Variants in ALKBH1 observed in about 807,000 individuals in gnomAD.
ALKBH1 encodes the protein nucleic acid dioxygenase ALKBH1.
A neutral mutation model predicts 36.6 loss-of-function variants in ALKBH1; 31 were observed. The ratio of observed to expected loss-of-function variants is 0.85; its 90% confidence interval spans 0.64 to 1.14. The LOEUF is 1.14. Among genes scored for constraint, ALKBH1 ranks in the 50% most tolerant of loss-of-function variants. The probability of loss-of-function intolerance (pLI) is 0.00; values close to 1 mark genes in which losing one functional copy is unlikely to be tolerated. For missense variants in ALKBH1, 490 were observed against 497.3 expected (o/e 0.99, Z 0.14); for synonymous variants, 183 against 186.6 (o/e 0.98, Z 0.16).
chr14:77,700,744 C>T (rs2080354934), intron 2 of ALKBH1, among the ~76,000 whole-genome samples: 1 of 152,152 alleles, frequency 6.6e-6, no homozygotes, highest in African/African-American at 2.4e-5. Context: ...TTTAACATCT[C>T]TTTAGGCAGT....
intron 3 of ALKBH1, among the ~76,000 whole-genome samples, chr14:77,685,721 T>C (rs1566813736): frequency 6.6e-6 from 1 of 151,568 alleles, no homozygotes; most frequent in Non-Finnish European, 1.5e-5. Context: ...TAGACCAAGA[T>C]TGTGCCACTG....
intron 1 of ALKBH1, among the ~76,000 whole-genome samples, chr14:77,706,912 C>T (rs1203573134): frequency 6.6e-6 from 1 of 152,116 alleles, no homozygotes; most frequent in Admixed American, 6.6e-5. Flanking sequence ...GAAAGAATGC[C>T]TCATCTAGAC....
chr14:77,703,546 C>T (rs186844744), intron 2 of ALKBH1, among the ~76,000 whole-genome samples: 6 of 150,512 alleles, frequency 4.0e-5, no homozygotes, highest in African/African-American at 9.8e-5. Context: ...CCGCCCGCCT[C>T]GGCCTCCCAA....
intron 5 of ALKBH1, among the ~76,000 whole-genome samples, 158 bp downstream of exon 5, chr14:77,675,498 G>C (rs2080200192): frequency 6.6e-6 from 1 of 151,962 alleles, no homozygotes; most frequent in African/African-American, 2.4e-5. Flanking sequence ...CTTAAACAGA[G>C]ATACTAACTA....
intron 4 of ALKBH1, among the ~76,000 whole-genome samples, chr14:77,676,566 T>C (rs1158008491): frequency 1.3e-5 from 2 of 152,120 alleles, no homozygotes; most frequent in Non-Finnish European, 2.9e-5. Context: ...AAATTAGATA[T>C]AAGAACAAAG....
chr14:77,705,226 A>AAC (rs1280264862), intron 1 of ALKBH1, among the ~76,000 whole-genome samples: 1 of 152,118 alleles, frequency 6.6e-6, no homozygotes, highest in Non-Finnish European at 1.5e-5. Context: ...CAACCTGGCC[A>AAC]ACATGGTGAA....
At chr14:77,688,863 C>T (rs1466822161) in intron 3 of ALKBH1, among the ~76,000 whole-genome samples, 6 of 152,278 alleles carry the variant, frequency 3.9e-5, no homozygotes, top group Non-Finnish European at 5.9e-5. Flanking sequence ...TGAGCCACCG[C>T]GCCTGGCCTG....
At chr14:77,704,560 C>T in intron 1 of ALKBH1, 83 bp from the exon 2 acceptor site, 1 of 992,380 alleles carries the variant, frequency 1.0e-6, no homozygotes, top group Non-Finnish European at 1.6e-6. Context: ...AAACACATTT[C>T]TTGTATGAGG....
intron 5 of ALKBH1, among the ~76,000 whole-genome samples, chr14:77,675,270 TAA>T (rs199714479): frequency 7.1e-6 from 1 of 140,930 alleles, no homozygotes; most frequent in Non-Finnish European, 1.6e-5. Flanking sequence ...CCATCTCTAC[TAA>T]AAAAAAAAAA....
chr14:77,682,965 G>C (rs1359812298), intron 3 of ALKBH1, among the ~76,000 whole-genome samples: 1 of 152,044 alleles, frequency 6.6e-6, no homozygotes, highest in East Asian at 1.9e-4. Context: ...CCAAAGTGCT[G>C]GGATTACAGG....
intron 5 of ALKBH1, 69 bp downstream of exon 5, chr14:77,675,586 TA>T (rs2080200725): frequency 7.2e-7 from 1 of 1,389,814 alleles, no homozygotes; most frequent in African/African-American, 1.4e-5. Context: ...GTATTTATTT[TA>T]GAGTAAAATG....
At chr14:77,697,749 G>A (rs546396609) in intron 2 of ALKBH1, among the ~76,000 whole-genome samples, 194 of 148,878 alleles carry the variant, frequency 1.3e-3, no homozygotes, top group Non-Finnish European at 2.2e-3. Context: ...TGGCCTGGCC[G>A]ATGCCTGTAA....
At chr14:77,695,734 A>G (rs2080323262) in intron 2 of ALKBH1, among the ~76,000 whole-genome samples, 1 of 152,200 alleles carries the variant, frequency 6.6e-6, no homozygotes, top group African/African-American at 2.4e-5. Context: ...TTTGTAAACA[A>G]TTACAGCATG....
chr14:77,699,250 AG>A (rs1234434633), intron 2 of ALKBH1, among the ~76,000 whole-genome samples: 1 of 152,244 alleles, frequency 6.6e-6, no homozygotes. Flanking sequence ...AAATATCCTT[AG>A]GGAGAATTAC....
intron 2 of ALKBH1, among the ~76,000 whole-genome samples, chr14:77,700,074 AAAAT>A (rs375475355): frequency 3.3e-5 from 5 of 150,950 alleles, no homozygotes; most frequent in Admixed American, 1.3e-4. Context: ...TAAATAAATA[AAAAT>A]AAATAAATAA....
At chr14:77,681,570 T>TA (rs1340961961) in intron 3 of ALKBH1, among the ~76,000 whole-genome samples, 7 of 152,044 alleles carry the variant, frequency 4.6e-5, no homozygotes, top group Non-Finnish European at 1.0e-4. Flanking sequence ...GACCAGCAGA[T>TA]AAAAAGAAAT....
chr14:77,677,859 C>T (rs2080214327), intron 4 of ALKBH1, among the ~76,000 whole-genome samples: 1 of 152,188 alleles, frequency 6.6e-6, no homozygotes, highest in Admixed American at 6.5e-5. Flanking sequence ...GGCTGTCATT[C>T]TAGCTGTAGA....
intron 3 of ALKBH1, among the ~76,000 whole-genome samples, chr14:77,687,259 C>T (rs550610847): frequency 6.6e-6 from 1 of 152,352 alleles, no homozygotes; most frequent in Non-Finnish European, 1.5e-5. Context: ...GGTCCTACTT[C>T]TTTCTTCCAA....
chr14:77,707,991 G>A lies in ALKBH1; in HGVS notation c.14C>T (p.Ala5Val), dbSNP rs748449483. 4.3e-6 allele frequency: 7 copies of A among 1,609,728 alleles called. No individual in the cohort carries two copies. Among genetic ancestry groups the A allele is most frequent in the African/African-American group, 4.0e-5 (3 of 74,814 alleles). The change falls in exon 1 of 6, where the codon GCA becomes GTA. Residue 5 changes from alanine (A) to valine (V), a missense_variant. By Grantham distance (64) the Ala-to-Val change is moderately conservative. Coordinates refer to ENST00000216489, the MANE Select transcript of ALKBH1 (RefSeq NM_006020.3). MGKM[A>V]AAVGSVATLA... ...AGTCGCCACAGAGCCCACGGCCGCT[G>A]CCATCTTCCCCATCTCGCGGCCTAT...
Sources: allele counts gnomAD v4.1 joint callset (sites outside exome capture counted in the v4.1 genomes callset), GRCh38; gene constraint gnomAD v4.1.1; transcripts MANE v1.5; gene names NCBI Gene and HGNC (gene_info 2026-07-23, HGNC 2026-07-21).